The following NUP210L variants were observed in gnomAD, a reference collection of about 807,000 sequenced individuals.
The protein encoded by NUP210L is nuclear pore membrane glycoprotein 210-like.
A neutral mutation model predicts 208.5 loss-of-function variants in NUP210L; 74 were observed. The observed-to-expected ratio is 0.35, with a 90% CI of 0.29 to 0.43. The LOEUF (loss-of-function observed/expected upper bound fraction) is 0.43, where lower values mean the gene tolerates loss of function less well. NUP210L is among the 20% of genes least tolerant of loss of function. The pLI, the probability that NUP210L is intolerant of heterozygous loss-of-function variation, is 1.00. For missense variants in NUP210L, 1,843 were observed against 2,289.4 expected (o/e 0.81, Z 3.98); for synonymous variants, 780 against 816.9 (o/e 0.95, Z 0.77).
chr1:154,113,163 A>ATAT lies in NUP210L; in HGVS notation c.1620+4561_1620+4562insATA, dbSNP rs199946601. Among the ~76,000 whole-genome samples, 656 of 102,668 alleles carry ATAT rather than the reference A, an allele frequency of 6.4e-3. 12 individuals carry two copies. The highest frequency in any genetic ancestry group is 0.052 in the Admixed American group (468 of 9,034). 67.4% of individuals were successfully genotyped at this position (102,668 alleles called of 152,430 possible). A position where few individuals can be genotyped will look rare whatever the true frequency, so the allele number is the denominator to read the frequency against. ...TGGGAGAGAAACCCTCTCTTAAAAA[A>ATAT]AAAAATATATATATATATATAAAAT... On this transcript the variant is annotated intron_variant, in intron 12 of 39. Coordinates refer to ENST00000368559, the Ensembl canonical transcript of NUP210L.
At chr1:153,999,231 C>T (rs1650067802) in intron 37 of NUP210L, among the ~76,000 whole-genome samples, 1 of 152,052 alleles carries the variant, frequency 6.6e-6, no homozygotes, top group African/African-American at 2.4e-5. Context: ...GGGAAGTGGG[C>T]GTGACAAATA....
intron 33 of NUP210L, among the ~76,000 whole-genome samples, chr1:154,015,153 T>C (rs1651164984): frequency 6.6e-6 from 1 of 152,112 alleles, no homozygotes. Flanking sequence ...GATCAACCTA[T>C]CACCCAGGTA....
At chr1:153,995,963 A>T in intron 37 of NUP210L, 2 of 436,972 alleles carry the variant, frequency 4.6e-6, no homozygotes, top group South Asian at 3.5e-5. Context: ...CTAAATAAAA[A>T]ATGAAACTTT....
At chr1:154,047,916 T>C (rs963817502) in intron 25 of NUP210L, among the ~76,000 whole-genome samples, 8 of 152,150 alleles carry the variant, frequency 5.3e-5, no homozygotes, top group Non-Finnish European at 1.0e-4. Flanking sequence ...GGTTGGAGAA[T>C]GTGGAACTAA....
intron 6 of NUP210L, among the ~76,000 whole-genome samples, chr1:154,136,908 A>G (rs992999942): frequency 1.5e-5 from 2 of 131,686 alleles, no homozygotes; most frequent in Non-Finnish European, 1.6e-5. Flanking sequence ...CGACAGAGTG[A>G]GAATCCATCT....
chr1:154,031,343 G>A (rs903719069), intron 27 of NUP210L, among the ~76,000 whole-genome samples: 4 of 151,996 alleles, frequency 2.6e-5, no homozygotes, highest in African/African-American at 9.7e-5. Context: ...ACCCACCTTG[G>A]CCTCCCAAAG....
intron 12 of NUP210L, among the ~76,000 whole-genome samples, chr1:154,106,897 A>C (rs1338364199): frequency 6.6e-6 from 1 of 152,206 alleles, no homozygotes; most frequent in African/African-American, 2.4e-5. Flanking sequence ...AAGCCTTCCC[A>C]AGAAGGATGG....
chr1:154,046,928 T>C (rs941157416), intron 25 of NUP210L, among the ~76,000 whole-genome samples: 12 of 152,104 alleles, frequency 7.9e-5, no homozygotes, highest in Admixed American at 2.0e-4. Flanking sequence ...TGTGGTGGCA[T>C]GTGCCTGTAG....
At chr1:154,109,525 C>T (rs760054557) in intron 12 of NUP210L, among the ~76,000 whole-genome samples, 2 of 124,134 alleles carry the variant, frequency 1.6e-5, no homozygotes, top group Non-Finnish European at 3.3e-5. Context: ...ACTTAGTCTA[C>T]AATGTAGACC....
intron 30 of NUP210L, 51 bp downstream of exon 30, chr1:154,025,491 C>G (rs1205773963): frequency 1.6e-6 from 2 of 1,252,614 alleles, no homozygotes; most frequent in Non-Finnish European, 2.1e-6. Flanking sequence ...TTTTTAAGGC[C>G]AGGGTATGAC....
At position 154,054,721 on chromosome 1, in the gene NUP210L, A is replaced by G. The variant is rs748505850; in HGVS notation, c.3303+49T>C. 5.6e-6 allele frequency: 7 copies of G among 1,244,408 alleles called. No homozygotes were observed. In the African/African-American group the frequency reaches 1.0e-4, roughly 18 times the overall value. 77.1% of individuals were successfully genotyped at this position (1,244,408 alleles called of 1,614,324 possible). ...AGGTGTGTGTGTGTGAGAGAGAGAG[A>G]GAGGTAAGGAGAAAAGGTAAATCTT... On this transcript the variant is annotated intron_variant, in intron 24 of 39. Coordinates refer to ENST00000368559, the Ensembl canonical transcript of NUP210L.
intron 7 of NUP210L, among the ~76,000 whole-genome samples, chr1:154,133,387 C>CA (rs200523297): frequency 0.017 from 2,650 of 151,648 alleles, 80 homozygotes; most frequent in African/African-American, 0.062. Flanking sequence ...GACATCTCTA[C>CA]AAAAAAAGAC....
chr1:154,003,794 G>T (rs1429155437), intron 35 of NUP210L, among the ~76,000 whole-genome samples: 1 of 151,956 alleles, frequency 6.6e-6, no homozygotes, highest in Non-Finnish European at 1.5e-5. Flanking sequence ...GGCCTTAGTT[G>T]TCTTTACATC....
chr1:154,153,417 C>G (rs370071534), intron 1 of NUP210L, among the ~76,000 whole-genome samples: 1 of 152,204 alleles, frequency 6.6e-6, no homozygotes, highest in Non-Finnish European at 1.5e-5. Flanking sequence ...TCAAGCGATT[C>G]TCCTGCCTCA....
At chr1:154,090,268 A>G (rs1383776219) in intron 15 of NUP210L, among the ~76,000 whole-genome samples, 1 of 152,156 alleles carries the variant, frequency 6.6e-6, no homozygotes, top group Non-Finnish European at 1.5e-5. Context: ...TTCCTCCGCC[A>G]AATATTTTGT....
chr1:154,013,785 G>A (rs957791980), intron 33 of NUP210L, among the ~76,000 whole-genome samples: 1 of 152,074 alleles, frequency 6.6e-6, no homozygotes, highest in Non-Finnish European at 1.5e-5. Context: ...TTTGTTTTGA[G>A]ACGGAGTCTT....
chr1:154,021,957 A>C (rs1651591146), intron 32 of NUP210L, among the ~76,000 whole-genome samples, 169 bp downstream of exon 32: 1 of 152,154 alleles, frequency 6.6e-6, no homozygotes, highest in African/African-American at 2.4e-5. Context: ...GCTTTCTTGA[A>C]CTTCTGGCCT....
At chr1:154,018,175 T>C (rs1651366264) in intron 33 of NUP210L, among the ~76,000 whole-genome samples, 2 of 152,064 alleles carry the variant, frequency 1.3e-5, no homozygotes, top group East Asian at 1.9e-4. Context: ...TTTCACCATG[T>C]TGGCCAGGCT....
intron 33 of NUP210L, among the ~76,000 whole-genome samples, chr1:154,013,605 C>CA (rs549361241): frequency 1.1e-4 from 16 of 151,490 alleles, no homozygotes; most frequent in South Asian, 8.4e-4. Context: ...CAAACAAAAA[C>CA]AAAAAAAACA....
Sources: gnomAD v4.1 joint callset for allele counts (sites outside exome capture counted in the v4.1 genomes callset) on GRCh38, gnomAD v4.1.1 for gene constraint, MANE v1.5 for transcripts, NCBI Gene and HGNC (gene_info 2026-07-23, HGNC 2026-07-21) for gene names.